NCAM1: variants seen among roughly 807,000 people sequenced by gnomAD.
The protein encoded by NCAM1 is neural cell adhesion molecule 1, also known as antigen recognized by monoclonal antibody 5.1H11.
NCAM1 carries 14 observed loss-of-function variants against 109.8 expected under a neutral mutation model. The observed-to-expected ratio is 0.13, with a 90% CI of 0.08 to 0.20. NCAM1 has a LOEUF of 0.20. Among genes scored for constraint, NCAM1 ranks in the 10% least tolerant of loss-of-function variants. NCAM1 has a pLI of 1.00. For missense variants in NCAM1, 774 were observed against 1,109.9 expected (o/e 0.70, Z 4.30); for synonymous variants, 418 against 442.9 (o/e 0.94, Z 0.70).
At chr11:113,213,871 G>A (rs1944454897) in intron 7 of NCAM1, among the ~76,000 whole-genome samples, 1 of 152,196 alleles carries the variant, frequency 6.6e-6, no homozygotes, top group Non-Finnish European at 1.5e-5. Context: ...TGCTGTCTGT[G>A]GGCCTCCACC....
intron 1 of NCAM1, among the ~76,000 whole-genome samples, chr11:113,190,480 T>A (rs568261509): frequency 6.6e-6 from 1 of 152,212 alleles, no homozygotes; most frequent in African/African-American, 2.4e-5. Flanking sequence ...CACCATCTGC[T>A]GCTGCCCCTT....
intron 3 of NCAM1, 105 bp from the exon 4 acceptor site, chr11:113,205,418 A>G (rs1325185688): frequency 1.4e-6 from 2 of 1,419,000 alleles, no homozygotes; most frequent in Non-Finnish European, 1.9e-6. Context: ...GTACATCAGG[A>G]TCGAGACTTG....
intron 1 of NCAM1, among the ~76,000 whole-genome samples, chr11:113,129,201 A>T (rs1941299679): frequency 6.6e-6 from 1 of 151,970 alleles, no homozygotes; most frequent in Non-Finnish European, 1.5e-5. Context: ...TGAATTTCAC[A>T]TGGGGCCTCT....
chr11:113,010,765 A>C (rs555038961), intron 1 of NCAM1, among the ~76,000 whole-genome samples: 1 of 152,324 alleles, frequency 6.6e-6, no homozygotes, highest in East Asian at 1.9e-4. Context: ...ACTGCCTGTC[A>C]GGGGGACTTT....
chr11:113,014,017 T>A (rs1555074919), intron 1 of NCAM1, among the ~76,000 whole-genome samples: 1 of 152,184 alleles, frequency 6.6e-6, no homozygotes, highest in Non-Finnish European at 1.5e-5. Context: ...TCCTTGTGAC[T>A]TTTTATTCTT....
rs1944290440 is a variant in NCAM1 at position 113,208,093 on chromosome 11, C to T, written c.916+91C>T. On this transcript the variant is annotated intron_variant, in intron 7 of 19. Coordinates refer to ENST00000316851, the MANE Select transcript of NCAM1 (RefSeq NM_181351.5). ...ATCAGTAAGACCCTGGCCACTGTCC[C>T]TCAGAACATAACCCAATGCAACCAT... 2.1e-6 allele frequency: 3 copies of T among 1,402,696 alleles called. No homozygotes were observed. The East Asian group carries it at 7.5e-5, about 35-fold the overall frequency. 86.9% of individuals were successfully genotyped at this position (1,402,696 alleles called of 1,614,324 possible).
At chr11:113,155,193 G>A (rs1942365004) in intron 1 of NCAM1, among the ~76,000 whole-genome samples, 1 of 152,168 alleles carries the variant, frequency 6.6e-6, no homozygotes, top group Non-Finnish European at 1.5e-5. Context: ...GGTCATTAGA[G>A]GGTTGTATAT....
intron 1 of NCAM1, among the ~76,000 whole-genome samples, chr11:113,194,708 T>C (rs2136775179): frequency 6.6e-6 from 1 of 152,352 alleles, no homozygotes; most frequent in South Asian, 2.1e-4. Context: ...TTCACGCCTC[T>C]GCTATGCACT....
intron 1 of NCAM1, among the ~76,000 whole-genome samples, chr11:113,007,535 A>G (rs1177294752): frequency 6.6e-6 from 1 of 152,222 alleles, no homozygotes; most frequent in African/African-American, 2.4e-5. Context: ...CAAGGTCCCA[A>G]AACTGCCATA....
chr11:113,104,209 G>GA (rs1591328079), intron 1 of NCAM1, among the ~76,000 whole-genome samples: 1 of 118,314 alleles, frequency 8.5e-6, no homozygotes, highest in Admixed American at 8.9e-5. Flanking sequence ...AGGTGGGGTG[G>GA]GGGGGGGGGC....
intron 1 of NCAM1, among the ~76,000 whole-genome samples, chr11:113,153,047 T>G (rs75401600): frequency 2.5e-5 from 1 of 39,890 alleles, no homozygotes; most frequent in African/African-American, 7.9e-5. Flanking sequence ...ATGTCTATAA[T>G]TTTTTTTTTT....
intron 14 of NCAM1, among the ~76,000 whole-genome samples, chr11:113,237,199 CT>C (rs1945191606): frequency 6.6e-6 from 1 of 152,134 alleles, no homozygotes; most frequent in Non-Finnish European, 1.5e-5. Flanking sequence ...TGCCCCTAAA[CT>C]TCCCTTCTCC....
intron 1 of NCAM1, among the ~76,000 whole-genome samples, chr11:112,995,365 T>C (rs1951566691): frequency 6.6e-6 from 1 of 152,230 alleles, no homozygotes; most frequent in Admixed American, 6.5e-5. Flanking sequence ...TTTCTGTTAA[T>C]TACCTAGTTA....
chr11:113,133,366 T>G (rs1941480136), intron 1 of NCAM1: 1 of 152,248 alleles, frequency 6.6e-6, no homozygotes, highest in Admixed American at 6.5e-5. Flanking sequence ...TCTTCTTTTT[T>G]GCTTTGCTTT....
chr11:113,231,500 C>G (rs1945004289), intron 9 of NCAM1, 145 bp from the exon 10 acceptor site: 1 of 944,038 alleles, frequency 1.1e-6, no homozygotes, highest in South Asian at 1.6e-5. Context: ...AGTAAGAAAG[C>G]CATTGACACA....
In NCAM1 at chr11:113,168,725, C is replaced by T. The variant is rs537688334; in HGVS notation, c.53-33654C>T. On this transcript the variant is annotated intron_variant, in intron 1 of 19. Transcript: ENST00000316851. ...ACCAAAAATTGCAGAGCAATTTGAT[C>T]CAGTTTCTTTTGTTGAAACGCTGAG... Among the ~76,000 whole-genome samples, 3 of 152,114 alleles carry T rather than the reference C, an allele frequency of 2.0e-5. No homozygotes were observed. The South Asian group carries it at 6.2e-4, about 32-fold the overall frequency.
chr11:113,051,602 T>A (rs1383995457), intron 1 of NCAM1, among the ~76,000 whole-genome samples: 3 of 152,216 alleles, frequency 2.0e-5, no homozygotes, highest in African/African-American at 7.2e-5. Flanking sequence ...CATATATACT[T>A]TATAAACTAT....
At chr11:113,188,924 G>A (rs529759167) in intron 1 of NCAM1, among the ~76,000 whole-genome samples, 1 of 152,178 alleles carries the variant, frequency 6.6e-6, no homozygotes, top group East Asian at 1.9e-4. Context: ...GTGCTGGGAT[G>A]CCAGGCAGAG....
intron 1 of NCAM1, among the ~76,000 whole-genome samples, chr11:113,139,635 A>G (rs1941739267): frequency 6.6e-6 from 1 of 152,160 alleles, no homozygotes; most frequent in African/African-American, 2.4e-5. Flanking sequence ...AGTATTTGGT[A>G]TACTACATTT....
Sources: allele counts gnomAD v4.1 joint callset (sites outside exome capture counted in the v4.1 genomes callset), GRCh38; gene constraint gnomAD v4.1.1; transcripts MANE v1.5; gene names NCBI Gene and HGNC (gene_info 2026-07-23, HGNC 2026-07-21).